Variants in AJAP1 observed in about 807,000 individuals in gnomAD.
AJAP1 encodes the protein adherens junctions associated protein 1.
In AJAP1, 5 loss-of-function variants were observed where a neutral mutation model predicts 35.0. The observed-to-expected ratio is 0.14, with a 90% CI of 0.07 to 0.30. The LOEUF (loss-of-function observed/expected upper bound fraction) is 0.30, where lower values mean the gene tolerates loss of function less well. Ranked by LOEUF, AJAP1 falls within the 10% of genes least tolerant of loss-of-function variation. The pLI is 1.00. For synonymous variants in AJAP1, 284 were observed against 249.3 expected (o/e 1.14, Z -1.31); for missense variants, 586 against 571.0 (o/e 1.03, Z -0.27).
intron 1 of AJAP1, among the ~76,000 whole-genome samples, chr1:4,689,003 G>T (rs1284325235): frequency 5.9e-5 from 9 of 152,034 alleles, no homozygotes; most frequent in African/African-American, 2.2e-4. Context: ...TGGGAAGAAA[G>T]CCTCTCACAT....
At chr1:4,669,740 C>G (rs537238896) in intron 1 of AJAP1, among the ~76,000 whole-genome samples, 9 of 152,296 alleles carry the variant, frequency 5.9e-5, no homozygotes, top group African/African-American at 2.2e-4. Flanking sequence ...TAGCGTGCAT[C>G]AGTACTTCAC....
At chr1:4,663,228 C>T (rs1266403222) in intron 1 of AJAP1, among the ~76,000 whole-genome samples, 1 of 152,178 alleles carries the variant, frequency 6.6e-6, no homozygotes, top group Non-Finnish European at 1.5e-5. Context: ...ATCATCCCAC[C>T]TCAGCCTCCT....
intron 1 of AJAP1, among the ~76,000 whole-genome samples, chr1:4,702,257 C>G (rs1228887426): frequency 6.6e-6 from 1 of 152,228 alleles, no homozygotes; most frequent in Non-Finnish European, 1.5e-5. Flanking sequence ...GAGCAGAGAT[C>G]TCAGGTTCCC....
At chr1:4,767,688 C>T (rs12748441) in intron 2 of AJAP1, among the ~76,000 whole-genome samples, 2 of 151,964 alleles carry the variant, frequency 1.3e-5, no homozygotes, top group Admixed American at 6.6e-5. Context: ...ATCATCATCA[C>T]CATCACCATC....
chr1:4,779,709 G>A (rs547226391), intron 5 of AJAP1, among the ~76,000 whole-genome samples: 1 of 152,280 alleles, frequency 6.6e-6, no homozygotes, highest in Admixed American at 6.5e-5. Flanking sequence ...AGGGAACACA[G>A]GGACAGCAGC....
intron 2 of AJAP1, among the ~76,000 whole-genome samples, chr1:4,731,955 G>C (rs944038585): frequency 2.0e-5 from 3 of 152,180 alleles, no homozygotes; most frequent in Non-Finnish European, 4.4e-5. Context: ...CCCCTGGGTG[G>C]CCAGGAGGCC....
At chr1:4,669,313 A>G (rs940339260) in intron 1 of AJAP1, among the ~76,000 whole-genome samples, 2 of 152,222 alleles carry the variant, frequency 1.3e-5, no homozygotes, top group Admixed American at 6.5e-5. Context: ...ATACATTCTT[A>G]TACTGCTATG....
chr1:4,711,815 G>A (rs1295140270), intron 1 of AJAP1, 85 bp from the exon 2 acceptor site: 13 of 1,084,700 alleles, frequency 1.2e-5, no homozygotes, highest in East Asian at 2.9e-5. Flanking sequence ...TTGTCACAGC[G>A]CGGGGTGGAG....
chr1:4,706,478 C>T (rs989223293), intron 1 of AJAP1, among the ~76,000 whole-genome samples: 3 of 152,178 alleles, frequency 2.0e-5, no homozygotes, highest in Non-Finnish European at 4.4e-5. Context: ...AGCCAGTAAA[C>T]GACAGGACCT....
chr1:4,691,204 C>T (rs1639731237), intron 1 of AJAP1, among the ~76,000 whole-genome samples: 2 of 152,352 alleles, frequency 1.3e-5, no homozygotes, highest in South Asian at 4.1e-4. Flanking sequence ...GACTCCATTC[C>T]TGTTTGGGAA....
chr1:4,730,114 C>A (rs989414754), intron 2 of AJAP1, among the ~76,000 whole-genome samples: 1 of 152,164 alleles, frequency 6.6e-6, no homozygotes, highest in South Asian at 2.1e-4. Flanking sequence ...GGGACTCTGC[C>A]GGATATGTCG....
chr1:4,778,767 C>T (rs969759587), intron 5 of AJAP1, among the ~76,000 whole-genome samples: 1 of 152,176 alleles, frequency 6.6e-6, no homozygotes, highest in African/African-American at 2.4e-5. Context: ...TCCTCCACGT[C>T]GTGTCTGTGG....
chr1:4,789,787 T>TTTTTGTTTTG lies in AJAP1; in HGVS notation c.*7322_*7331dup, dbSNP rs374412358. 15 of 152,490 alleles carry TTTTTGTTTTG rather than the reference T, an allele frequency of 9.8e-5. No homozygotes were observed. Among genetic ancestry groups the TTTTTGTTTTG allele is most frequent in the African/African-American group, 3.4e-4 (14 of 41,508 alleles). The allele number at this position is 152,490 out of a possible 1,614,324, so 9.4% of individuals were successfully genotyped here. A position where few individuals can be genotyped will look rare whatever the true frequency, so the allele number is the denominator to read the frequency against. The stretch of plus-strand genomic sequence containing the variant: ...AACACTACGCAGTCGTAAGCTCTGT[T>TTTTTGTTTTG]TTTTGTTTTGTTTTGTTTTGTTTTG... On this transcript the variant is annotated 3_prime_UTR_variant, in exon 6 of 6. Coordinates refer to ENST00000378191, the MANE Select transcript of AJAP1 (RefSeq NM_018836.4). This position sits in a 1 kb window ranked among gnomAD's most constrained non-coding sequence, Gnocchi z 4.4.
At chr1:4,657,633 G>T (rs1397787912) in intron 1 of AJAP1, among the ~76,000 whole-genome samples, 3 of 148,174 alleles carry the variant, frequency 2.0e-5, no homozygotes, top group Non-Finnish European at 3.0e-5. Flanking sequence ...AGGACAGGTA[G>T]ACACTGAGCC....
At chr1:4,691,522 CCA>C (rs1639738967) in intron 1 of AJAP1, among the ~76,000 whole-genome samples, 1 of 152,182 alleles carries the variant, frequency 6.6e-6, no homozygotes, top group Admixed American at 6.5e-5. Flanking sequence ...GGGAGTGGCT[CCA>C]GAGAGGAGCT....
intron 2 of AJAP1, among the ~76,000 whole-genome samples, chr1:4,743,937 AGG>A (rs1641127124): frequency 9.5e-5 from 2 of 21,102 alleles, no homozygotes; most frequent in Non-Finnish European, 2.7e-4. Context: ...AGAGCTCTCC[AGG>A]CTCTCCAGGC....
At chr1:4,731,136 A>C (rs1418382825) in intron 2 of AJAP1, among the ~76,000 whole-genome samples, 2 of 152,114 alleles carry the variant, frequency 1.3e-5, no homozygotes, top group African/African-American at 4.8e-5. Flanking sequence ...GCTAGAGTGC[A>C]ATGGCACAAT....
At chr1:4,778,156 C>T (rs191496124) in intron 5 of AJAP1, among the ~76,000 whole-genome samples, 64 of 152,344 alleles carry the variant, frequency 4.2e-4, no homozygotes, top group African/African-American at 1.5e-3. Context: ...AATCTCCTTC[C>T]AGGCAGCAGA....
intron 5 of AJAP1, among the ~76,000 whole-genome samples, chr1:4,778,318 C>G (rs756003615): frequency 6.6e-6 from 1 of 152,208 alleles, no homozygotes; most frequent in African/African-American, 2.4e-5. Flanking sequence ...TCTGTCTTTC[C>G]CAGCTGGCCT....
Sources: gnomAD v4.1 joint callset for allele counts (sites outside exome capture counted in the v4.1 genomes callset) on GRCh38, gnomAD v4.1.1 for gene constraint, Gnocchi (gnomAD v3.1) non-coding constraint, MANE v1.5 for transcripts, NCBI Gene and HGNC (gene_info 2026-07-23, HGNC 2026-07-21) for gene names.